The following MICAL3 variants were observed in gnomAD, a reference collection of about 807,000 sequenced individuals.
MICAL3 encodes [F-actin]-monooxygenase MICAL3.
A neutral mutation model predicts 207.4 loss-of-function variants in MICAL3; 62 were observed. The observed-to-expected ratio is 0.30, with a 90% CI of 0.24 to 0.37. The LOEUF (loss-of-function observed/expected upper bound fraction) is 0.37, where lower values mean the gene tolerates loss of function less well. Ranked by LOEUF, MICAL3 falls within the 10% of genes least tolerant of loss-of-function variation. The pLI is 1.00. For synonymous variants in MICAL3, 1,077 were observed against 1,069.3 expected (o/e 1.01, Z -0.14); for missense variants, 2,368 against 2,635.6 (o/e 0.90, Z 2.22).
intron 16 of MICAL3, among the ~76,000 whole-genome samples, chr22:17,885,291 G>C (rs923347750): frequency 6.6e-6 from 1 of 152,128 alleles, no homozygotes; most frequent in South Asian, 2.1e-4. Context: ...GAAACAACTC[G>C]AACATCCAAC....
At chr22:17,963,920 C>G (rs1429902034) in intron 1 of MICAL3, among the ~76,000 whole-genome samples, 1 of 152,202 alleles carries the variant, frequency 6.6e-6, no homozygotes, top group Admixed American at 6.5e-5. Context: ...GACGTGGTCC[C>G]TACTCTTGCT....
intron 27 of MICAL3, chr22:17,814,236 G>A (rs1299585969): frequency 1.3e-5 from 2 of 152,176 alleles, no homozygotes; most frequent in African/African-American, 4.8e-5. Flanking sequence ...GTTGAAAGAG[G>A]AAGACAATGA....
chr22:17,941,526 G>A (rs982065303), intron 1 of MICAL3, among the ~76,000 whole-genome samples: 5 of 152,132 alleles, frequency 3.3e-5, no homozygotes, highest in Non-Finnish European at 7.3e-5. Flanking sequence ...GTCAAAAGAC[G>A]GAAAGTAGAA....
chr22:17,810,131 C>T (rs996184116), intron 28 of MICAL3, among the ~76,000 whole-genome samples: 4 of 147,742 alleles, frequency 2.7e-5, no homozygotes, highest in Admixed American at 1.4e-4. Context: ...GGCACAATCT[C>T]GGCTCACTGC....
At chr22:18,001,642 A>C (rs1602386667) in intron 1 of MICAL3, 1 of 152,592 alleles carries the variant, frequency 6.6e-6, no homozygotes, top group Admixed American at 6.5e-5. Flanking sequence ...CAGGGACTCC[A>C]TTGCTACTTG....
Position 17,952,782 on chromosome 22 carries a change from G to C in MICAL3, c.-74-45896C>G, listed in dbSNP as rs548271739. Among the ~76,000 whole-genome samples, 414 of 152,292 alleles carry C rather than the reference G, an allele frequency of 2.7e-3. 2 individuals are homozygous for C. Among genetic ancestry groups the C allele is most frequent in the African/African-American group, 9.6e-3 (401 of 41,562 alleles). ...GAGGAAAAGGCTGGTCTATGCATGA[G>C]GTACTGGAAAGAACACTGGGACTTG... is the stretch of plus-strand genomic sequence containing the variant. On this transcript the variant is annotated intron_variant, in intron 1 of 31. Coordinates refer to ENST00000441493, the MANE Select transcript of MICAL3 (RefSeq NM_015241.3).
intron 20 of MICAL3, chr22:17,834,310 G>A (rs985304790): frequency 7.7e-6 from 9 of 1,166,980 alleles, no homozygotes; most frequent in African/African-American, 5.0e-5. Flanking sequence ...GGAGCTCAGG[G>A]TAGTGAATCA....
chr22:17,868,136 G>A (rs1927337011), intron 17 of MICAL3, among the ~76,000 whole-genome samples: 1 of 152,170 alleles, frequency 6.6e-6, no homozygotes, highest in South Asian at 2.1e-4. Context: ...TTCCAACACT[G>A]TCTCAACTGC....
rs370780914 is a variant in MICAL3, at chr22:17,810,820, A to G, written c.5446-7T>C. ...CCTCCGTGTAGGTTCTTGGCTGGAG[A>G]GAACAAGAGAAACTTCCTCAGTCAG... On this transcript the variant is annotated splice_polypyrimidine_tract_variant and splice_region_variant and intron_variant, in intron 27 of 31. Coordinates refer to ENST00000441493, the MANE Select transcript of MICAL3 (RefSeq NM_015241.3). 1.5e-5 allele frequency: 24 copies of G among 1,611,872 alleles called. No individual in the cohort carries two copies. The African/African-American group carries it at 2.8e-4, about 19-fold the overall frequency.
chr22:18,013,187 C>T lies in MICAL3; in HGVS notation c.-75+11094G>A, dbSNP rs577247089. 4.8e-4 allele frequency among the ~76,000 whole-genome samples: 73 copies of T among 152,348 alleles called. 4 individuals carry two copies. In the South Asian group the frequency reaches 0.015, roughly 31 times the overall value. ...GCAGTTACCTCCCTATTCTTGAGAT[C>T]TCTTCAGCTGGCCTGGCTCTCATCC... On this transcript the variant is annotated intron_variant, in intron 1 of 31. Coordinates refer to ENST00000441493, the MANE Select transcript of MICAL3 (RefSeq NM_015241.3).
chr22:17,912,883 G>A (rs1296485066), intron 1 of MICAL3, among the ~76,000 whole-genome samples: 2 of 152,150 alleles, frequency 1.3e-5, no homozygotes, highest in Non-Finnish European at 2.9e-5. Flanking sequence ...AGGCAAAAGT[G>A]GGCATCTTTG....
chr22:17,854,507 A>G (rs1451664719), intron 19 of MICAL3, among the ~76,000 whole-genome samples: 1 of 152,110 alleles, frequency 6.6e-6, no homozygotes, highest in East Asian at 1.9e-4. Flanking sequence ...ATGGAGGACC[A>G]ACCGAGAACT....
At chr22:17,804,238 G>A (rs1422988647) in intron 29 of MICAL3, among the ~76,000 whole-genome samples, 1 of 152,116 alleles carries the variant, frequency 6.6e-6, no homozygotes, top group Non-Finnish European at 1.5e-5. Flanking sequence ...AATAGAGCGG[G>A]GCTGCCTGCG....
intron 16 of MICAL3, among the ~76,000 whole-genome samples, chr22:17,881,457 C>T (rs1002950896): frequency 6.6e-6 from 1 of 152,136 alleles, no homozygotes; most frequent in East Asian, 1.9e-4. Flanking sequence ...AGTGGTCTCC[C>T]GTGGGCCCCC....
At chr22:17,850,414 T>G (rs1365431484) in intron 19 of MICAL3, among the ~76,000 whole-genome samples, 2 of 131,028 alleles carry the variant, frequency 1.5e-5, no homozygotes, top group East Asian at 4.3e-4. Flanking sequence ...TTTTTTTTTT[T>G]TTTTTTTTTT....
intron 1 of MICAL3, among the ~76,000 whole-genome samples, chr22:18,000,400 C>G (rs974356325): frequency 2.0e-5 from 3 of 152,258 alleles, no homozygotes; most frequent in African/African-American, 7.2e-5. Flanking sequence ...TCTCTGCATT[C>G]AGAGTCAGGA....
chr22:17,804,975 C>A (rs1404800898), intron 29 of MICAL3, among the ~76,000 whole-genome samples: 1 of 152,204 alleles, frequency 6.6e-6, no homozygotes, highest in Non-Finnish European at 1.5e-5. Context: ...GAAGCTAATC[C>A]TTGCAGCCTG....
At chr22:17,930,641 C>A (rs1011230619) in intron 1 of MICAL3, among the ~76,000 whole-genome samples, 16 of 152,218 alleles carry the variant, frequency 1.1e-4, no homozygotes, top group African/African-American at 3.9e-4. Context: ...CAGTGGCTAC[C>A]TGGGCAGGGC....
intron 1 of MICAL3, among the ~76,000 whole-genome samples, chr22:17,913,387 G>A (rs1272066465): frequency 6.6e-6 from 1 of 152,198 alleles, no homozygotes; most frequent in Non-Finnish European, 1.5e-5. Context: ...CGGTCCTGGG[G>A]AAAGCACTAG....
Sources: allele counts gnomAD v4.1 joint callset (sites outside exome capture counted in the v4.1 genomes callset), GRCh38; gene constraint gnomAD v4.1.1; transcripts MANE v1.5; gene names NCBI Gene and HGNC (gene_info 2026-07-23, HGNC 2026-07-21).